LRGUK: variants seen among roughly 807,000 people sequenced by gnomAD.
LRGUK encodes the protein leucine rich repeats and guanylate kinase domain containing.
A neutral mutation model predicts 76.0 loss-of-function variants in LRGUK; 65 were observed. The ratio of observed to expected loss-of-function variants is 0.85; its 90% CI spans 0.70 to 1.05. The LOEUF is 1.05. Ranked by LOEUF, LRGUK falls within the 50% of genes least tolerant of loss-of-function variation. The probability of loss-of-function intolerance (pLI) is 0.00; values close to 1 mark genes in which losing one functional copy is unlikely to be tolerated. For synonymous variants in LRGUK, 268 were observed against 265.6 expected, an observed-to-expected ratio of 1.01 and a Z score of -0.09; for missense variants, 758 against 732.8, an observed-to-expected ratio of 1.03 and a Z score of -0.40.
At chr7:134,215,779 G>A (rs926488474) in intron 15 of LRGUK, among the ~76,000 whole-genome samples, 7 of 152,068 alleles carry the variant, frequency 4.6e-5, no homozygotes, top group African/African-American at 1.4e-4. Context: ...ATTTAATTGC[G>A]TAGTCCAATT....
At chr7:134,206,447 A>G (rs1386639195) in intron 15 of LRGUK, among the ~76,000 whole-genome samples, 1 of 152,058 alleles carries the variant, frequency 6.6e-6, no homozygotes, top group Non-Finnish European at 1.5e-5. Flanking sequence ...CCAGGGAGTC[A>G]GAAGTTGCAA....
chr7:134,247,608 GA>G lies in LRGUK; in HGVS notation c.2038del (p.Arg680GlyfsTer29). 1 of 1,613,842 alleles carries G rather than the reference GA, an allele frequency of 6.2e-7. No homozygotes were observed. The highest frequency in any genetic ancestry group is 8.5e-7 in the Non-Finnish European group (1 of 1,179,886). The stretch of plus-strand genomic sequence containing the variant: ...GAGGCAGCCCGGCAAGCTCTAATGG[GA>G]AGGATACGCCCTGATCACACACTCC... On this transcript the variant is annotated frameshift_variant, in exon 17 of 20. Coordinates refer to the LRGUK transcript ENST00000285928. LOFTEE classifies it high-confidence loss of function.
At chr7:134,214,115 T>C (rs1373510544), downstream of LRGUK, among the ~76,000 whole-genome samples, 4 of 152,198 alleles carry the variant, frequency 2.6e-5, no homozygotes, top group Non-Finnish European at 5.9e-5. Flanking sequence ...CAAAAGATAA[T>C]TGAACAAAGG....
intron 8 of LRGUK, 75 bp downstream of exon 8, chr7:134,174,711 T>C: frequency 2.5e-6 from 2 of 812,796 alleles, no homozygotes; most frequent in Non-Finnish European, 4.2e-6. Flanking sequence ...CTAGGAATTC[T>C]TCAAGAAGTA....
intron 16 of LRGUK, among the ~76,000 whole-genome samples, chr7:134,225,125 G>GAAAAAAAAAAA (rs769671717): frequency 8.2e-5 from 5 of 60,876 alleles, no homozygotes; most frequent in East Asian, 5.6e-4. Context: ...AACAGAACTG[G>GAAAAAAAAAAA]AAAAAAAAAA....
intron 11 of LRGUK, among the ~76,000 whole-genome samples, chr7:134,190,561 G>A (rs1800160120): frequency 6.6e-6 from 1 of 152,184 alleles, no homozygotes; most frequent in Non-Finnish European, 1.5e-5. Flanking sequence ...TTGCATTTCT[G>A]CACTTAACAG....
chr7:134,217,791 A>G (rs867228913), intron 15 of LRGUK, among the ~76,000 whole-genome samples: 1 of 152,116 alleles, frequency 6.6e-6, no homozygotes, highest in South Asian at 2.1e-4. Context: ...GTTTTCTTTT[A>G]AGCTCTTTTT....
chr7:134,160,237 A>G (rs1222396), intron 6 of LRGUK, among the ~76,000 whole-genome samples: 25,536 of 152,052 alleles, frequency 0.17, 2,176 homozygotes, highest in African/African-American at 0.18. Flanking sequence ...TCATCCTAAG[A>G]GTGTGTTTCA....
chr7:134,178,631 G>C (rs1190308709), intron 10 of LRGUK, 22 bp downstream of exon 10: 1 of 1,593,768 alleles, frequency 6.3e-7, no homozygotes. Flanking sequence ...AAATCCAAAG[G>C]CCGGAATTCA....
intron 15 of LRGUK, among the ~76,000 whole-genome samples, chr7:134,217,169 T>C (rs1013500436): frequency 1.3e-5 from 2 of 151,630 alleles, no homozygotes; most frequent in African/African-American, 2.4e-5. Context: ...TTTTTTTTTT[T>C]CGGAATTCTG....
chr7:134,234,234 A>G (rs1801966235), intron 16 of LRGUK, among the ~76,000 whole-genome samples: 1 of 152,064 alleles, frequency 6.6e-6, no homozygotes, highest in Admixed American at 6.6e-5. Flanking sequence ...TAAGCATTAT[A>G]TGACCCTCAG....
intron 15 of LRGUK, among the ~76,000 whole-genome samples, chr7:134,220,109 T>C (rs530035373): frequency 4.6e-5 from 7 of 152,370 alleles, no homozygotes; most frequent in Non-Finnish European, 8.8e-5. Context: ...TCAATAAATA[T>C]GGGTCAAGTG....
chr7:134,156,629 A>G (rs1798471289), intron 5 of LRGUK, among the ~76,000 whole-genome samples: 1 of 152,184 alleles, frequency 6.6e-6, no homozygotes, highest in Non-Finnish European at 1.5e-5. Flanking sequence ...ATGTGGATGA[A>G]ACTGGATAAA....
exon 20 of LRGUK, chr7:134,263,851 C>A: frequency 6.2e-7 from 1 of 1,609,068 alleles, no homozygotes; most frequent in South Asian, 1.1e-5. Context: ...ACAGCACTAC[C>A]TATACAATCA....
intron 4 of LRGUK, among the ~76,000 whole-genome samples, chr7:134,144,329 G>A (rs530246431): frequency 6.6e-6 from 1 of 152,130 alleles, no homozygotes; most frequent in African/African-American, 2.4e-5. Flanking sequence ...TGTAGAGGCG[G>A]GGTTTCACCA....
intron 16 of LRGUK, 62 bp from the exon 17 acceptor site, chr7:134,247,494 A>T: frequency 8.4e-7 from 1 of 1,188,140 alleles, no homozygotes. Context: ...ATTATTATAG[A>T]TGTTTTAATC....
chr7:134,251,389 C>T (rs920378341), intron 18 of LRGUK, among the ~76,000 whole-genome samples: 3 of 152,258 alleles, frequency 2.0e-5, no homozygotes, highest in East Asian at 3.9e-4. Context: ...GAGAGAGGCC[C>T]GGAACAATTC....
intron 1 of LRGUK, among the ~76,000 whole-genome samples, chr7:134,135,502 T>C (rs943456097): frequency 2.6e-5 from 4 of 152,184 alleles, no homozygotes; most frequent in Admixed American, 6.5e-5. Context: ...ACATGGCATA[T>C]TTTACAGCGA....
rs545750702 is a variant in LRGUK, at chr7:134,197,185, A to G, written c.1545+80A>G. On this transcript the variant is annotated intron_variant, in intron 13 of 15. Coordinates refer to ENST00000645682, the Ensembl canonical transcript of LRGUK. ...TGTGTGTATGTGTGTGTGTGTGTGT[A>G]TATATGTATAAACTTTTTACTGATA... The G allele has an allele frequency of 1.8e-4, 140 of 782,322 alleles. No individual in the cohort carries two copies. In the African/African-American group the frequency reaches 2.2e-3, roughly 12 times the overall value. 48.5% of individuals were successfully genotyped at this position (782,322 alleles called of 1,614,324 possible).
Sources: gnomAD v4.1 joint callset for allele counts (sites outside exome capture counted in the v4.1 genomes callset) on GRCh38, gnomAD v4.1.1 for gene constraint, MANE v1.5 for transcripts, NCBI Gene and HGNC (gene_info 2026-07-23, HGNC 2026-07-21) for gene names.